The following DOCK4 variants were observed in gnomAD, a reference collection of about 807,000 sequenced individuals.
The protein encoded by DOCK4 is dedicator of cytokinesis protein 4.
Under a neutral mutation model 268.1 loss-of-function variants are expected in DOCK4, and 97 were observed. The ratio of observed to expected loss-of-function variants is 0.36; its 90% CI spans 0.31 to 0.43. The LOEUF (loss-of-function observed/expected upper bound fraction) is 0.43, where lower values mean the gene tolerates loss of function less well. Ranked by LOEUF, DOCK4 falls within the 20% of genes least tolerant of loss-of-function variation. DOCK4 has a pLI of 1.00. For missense variants in DOCK4, 2,145 were observed against 2,455.7 expected, an observed-to-expected ratio of 0.87 and a Z score of 2.67; for synonymous variants, 954 against 887.2, an observed-to-expected ratio of 1.08 and a Z score of -1.34.
chr7:111,757,615 C>T (rs1042471933), intron 41 of DOCK4, among the ~76,000 whole-genome samples: 3 of 152,100 alleles, frequency 2.0e-5, no homozygotes, highest in African/African-American at 7.2e-5. Flanking sequence ...AATCTCTGGG[C>T]ACAAGGGACT....
intron 1 of DOCK4, among the ~76,000 whole-genome samples, chr7:112,097,168 A>C (rs1810221846): frequency 6.6e-6 from 1 of 152,178 alleles, no homozygotes; most frequent in Non-Finnish European, 1.5e-5. Flanking sequence ...GCCTCAAGCC[A>C]CCAAATTAAG....
At chr7:112,102,531 G>A (rs187012702) in intron 1 of DOCK4, among the ~76,000 whole-genome samples, 3 of 152,290 alleles carry the variant, frequency 2.0e-5, no homozygotes, top group Admixed American at 6.5e-5. Flanking sequence ...CGATTAGGCT[G>A]TAAGAGTAGA....
At chr7:112,173,163 C>T (rs369046973) in intron 1 of DOCK4, among the ~76,000 whole-genome samples, 4 of 152,296 alleles carry the variant, frequency 2.6e-5, no homozygotes, top group Admixed American at 1.3e-4. Context: ...ATTACTTTAG[C>T]GTCAGATTTT....
intron 30 of DOCK4, among the ~76,000 whole-genome samples, chr7:111,803,031 A>C (rs1280073107): frequency 6.6e-6 from 1 of 152,224 alleles, no homozygotes; most frequent in Non-Finnish European, 1.5e-5. Flanking sequence ...AAATTAATTA[A>C]AAACCCAGCC....
chr7:112,122,618 A>T (rs1353231349), intron 1 of DOCK4, among the ~76,000 whole-genome samples: 1 of 152,164 alleles, frequency 6.6e-6, no homozygotes, highest in African/African-American at 2.4e-5. Flanking sequence ...TTAAAGCTCA[A>T]TCTGAGTTTT....
At chr7:112,124,453 T>C (rs887333983) in intron 1 of DOCK4, among the ~76,000 whole-genome samples, 12 of 152,224 alleles carry the variant, frequency 7.9e-5, no homozygotes, top group Admixed American at 7.2e-4. Context: ...ACCAGAGTAT[T>C]CTACCCATGT....
chr7:111,864,159 A>G (rs1389752237), intron 22 of DOCK4, among the ~76,000 whole-genome samples: 1 of 152,114 alleles, frequency 6.6e-6, no homozygotes, highest in African/African-American at 2.4e-5. Flanking sequence ...AAACAAAAAG[A>G]TCATTACAAG....
At chr7:111,762,265 A>G (rs1240415658) in intron 39 of DOCK4, among the ~76,000 whole-genome samples, 1 of 152,222 alleles carries the variant, frequency 6.6e-6, no homozygotes, top group East Asian at 1.9e-4. Flanking sequence ...TGTGCAATTC[A>G]GTGGTTTTTA....
chr7:112,202,988 C>G (rs1238511366), intron 1 of DOCK4, among the ~76,000 whole-genome samples: 1 of 152,074 alleles, frequency 6.6e-6, no homozygotes, highest in African/African-American at 2.4e-5. Flanking sequence ...TGAGATATGT[C>G]ACAACAAAAG....
At chr7:112,073,018 C>T (rs1392139911) in intron 1 of DOCK4, among the ~76,000 whole-genome samples, 2 of 152,154 alleles carry the variant, frequency 1.3e-5, no homozygotes, top group Non-Finnish European at 2.9e-5. Context: ...ACAACACCCC[C>T]AGAAGCATGG....
In DOCK4 at chr7:112,062,285, G is replaced by A. The variant is rs546881646; in HGVS notation, c.38-58154C>T. 3.3e-5 allele frequency among the ~76,000 whole-genome samples: 5 copies of A among 152,186 alleles called. No homozygotes were observed. The South Asian group carries it at 6.2e-4, about 19-fold the overall frequency. On this transcript the variant is annotated intron_variant, in intron 1 of 52. Transcript: ENST00000428084. Reference sequence around the variant, plus strand: ...TAAACAGCTTCAAGAAAAGCACAGCGATTTTCACTTTGTGTAAAGCAAAGT... The same window carrying A: ...TAAACAGCTTCAAGAAAAGCACAGCAATTTTCACTTTGTGTAAAGCAAAGT...
At chr7:111,921,587 T>C (rs903117755) in intron 12 of DOCK4, among the ~76,000 whole-genome samples, 2 of 152,220 alleles carry the variant, frequency 1.3e-5, no homozygotes, top group African/African-American at 4.8e-5. Flanking sequence ...TAAATACATG[T>C]TGTTACTAAG....
intron 1 of DOCK4, among the ~76,000 whole-genome samples, chr7:112,093,982 T>C (rs1393867435): frequency 2.0e-5 from 3 of 151,882 alleles, no homozygotes; most frequent in East Asian, 1.9e-4. Flanking sequence ...CATATTGAGC[T>C]TAGATATTAT....
intron 51 of DOCK4, 75 bp downstream of exon 51, chr7:111,734,979 G>T: frequency 1.7e-6 from 2 of 1,190,714 alleles, no homozygotes; most frequent in Non-Finnish European, 2.4e-6. Context: ...TTTCTCTCAG[G>T]AATTCAGGAC....
chr7:111,780,407 C>T (rs1798720819), intron 35 of DOCK4, among the ~76,000 whole-genome samples: 1 of 152,128 alleles, frequency 6.6e-6, no homozygotes, highest in Non-Finnish European at 1.5e-5. Flanking sequence ...ATTGTTGTAT[C>T]ATAAACACAA....
intron 26 of DOCK4, among the ~76,000 whole-genome samples, chr7:111,834,178 G>A (rs112346152): frequency 2.2e-4 from 33 of 152,288 alleles, no homozygotes; most frequent in East Asian, 1.9e-4. Flanking sequence ...TAGTCAAAAA[G>A]TTGTAGCCAG....
intron 12 of DOCK4, among the ~76,000 whole-genome samples, chr7:111,926,098 A>AAGACAGAG (rs1352639765): frequency 3.9e-4 from 55 of 141,424 alleles, no homozygotes; most frequent in South Asian, 6.7e-4. Flanking sequence ...AGAAAAAAGA[A>AAGACAGAG]AGAGAGAGAG....
intron 1 of DOCK4, among the ~76,000 whole-genome samples, chr7:112,201,431 T>A (rs1820924614): frequency 6.6e-6 from 1 of 152,180 alleles, no homozygotes; most frequent in African/African-American, 2.4e-5. Context: ...TCATGGATTT[T>A]CTGCACCGAT....
chr7:112,057,348 T>C (rs949871151), intron 1 of DOCK4, among the ~76,000 whole-genome samples: 5 of 152,000 alleles, frequency 3.3e-5, no homozygotes, highest in African/African-American at 4.8e-5. Flanking sequence ...CTCAGGAGTT[T>C]GAGACCAGCC....
Sources: allele counts gnomAD v4.1 joint callset (sites outside exome capture counted in the v4.1 genomes callset), GRCh38; gene constraint gnomAD v4.1.1; transcripts MANE v1.5; gene names NCBI Gene and HGNC (gene_info 2026-07-23, HGNC 2026-07-21).